CSMD3: variants seen among roughly 807,000 people sequenced by gnomAD.
The protein encoded by CSMD3 is CUB and Sushi multiple domains 3.
CSMD3 carries 177 observed loss-of-function variants against 435.2 expected under a neutral mutation model. The observed-to-expected ratio is 0.41, with a 90% CI of 0.36 to 0.46. The LOEUF is 0.46. Ranked by LOEUF, CSMD3 falls within the 20% of genes least tolerant of loss-of-function variation. CSMD3 has a pLI of 0.34. For synonymous variants in CSMD3, 1,656 were observed against 1,520.5 expected, an observed-to-expected ratio of 1.09 and a Z score of -2.07; for missense variants, 4,265 against 4,504.6, an observed-to-expected ratio of 0.95 and a Z score of 1.52.
intron 10 of CSMD3, among the ~76,000 whole-genome samples, chr8:112,897,657 A>T (rs1363025240): frequency 6.9e-6 from 1 of 144,310 alleles, no homozygotes; most frequent in East Asian, 2.1e-4. Context: ...ACTCCCTAAA[A>T]TACTATTTCT....
chr8:112,847,197 C>A (rs1259481282), intron 11 of CSMD3, among the ~76,000 whole-genome samples: 1 of 152,078 alleles, frequency 6.6e-6, no homozygotes, highest in Non-Finnish European at 1.5e-5. Context: ...TGATCAATAA[C>A]CCCCTTGGAT....
intron 4 of CSMD3, among the ~76,000 whole-genome samples, chr8:113,133,405 C>A (rs1277956271): frequency 6.6e-6 from 1 of 151,982 alleles, no homozygotes; most frequent in African/African-American, 2.4e-5. Context: ...AAAACAATAA[C>A]AAACAACATC....
intron 16 of CSMD3, among the ~76,000 whole-genome samples, chr8:112,674,910 T>C (rs2075739060): frequency 6.6e-6 from 1 of 152,040 alleles, no homozygotes; most frequent in South Asian, 2.1e-4. Flanking sequence ...CAGTTATAGA[T>C]AGATGAATGA....
chr8:113,356,073 C>G (rs1346385971), intron 1 of CSMD3, among the ~76,000 whole-genome samples: 1 of 151,828 alleles, frequency 6.6e-6, no homozygotes, highest in Non-Finnish European at 1.5e-5. Flanking sequence ...GTTACACCCT[C>G]CCATGCATGG....
chr8:112,377,697 G>T (rs1829075882), intron 38 of CSMD3, among the ~76,000 whole-genome samples: 1 of 151,884 alleles, frequency 6.6e-6, no homozygotes, highest in African/African-American at 2.4e-5. Flanking sequence ...CAAATGTATA[G>T]AAATCAATAA....
At chr8:113,378,757 A>C (rs1448587825) in intron 1 of CSMD3, among the ~76,000 whole-genome samples, 3 of 85,580 alleles carry the variant, frequency 3.5e-5, no homozygotes, top group Admixed American at 2.5e-4. Context: ...TGATTGTCAC[A>C]CTGAAGTGTG....
chr8:113,417,931 T>C (rs764253988), intron 1 of CSMD3, among the ~76,000 whole-genome samples: 7 of 152,046 alleles, frequency 4.6e-5, no homozygotes, highest in Non-Finnish European at 8.8e-5. Flanking sequence ...TTTAAGACAT[T>C]AATGATTTAC....
Position 112,621,896 on chromosome 8 carries a change from T to TCCA in CSMD3, c.3715+14920_3715+14921insTGG, listed in dbSNP as rs563190816. Among the ~76,000 whole-genome samples the TCCA allele has an allele frequency of 3.5e-4, 53 of 152,304 alleles. No individual in the cohort carries two copies. In the East Asian group the frequency reaches 9.3e-3, roughly 27 times the overall value. Reference sequence around the variant, plus strand: ...GGACTCTCTTATGATCTCCAGACTGTGTATTCAACTGGAATATGCCTCTGT... The same window carrying TCCA: ...GGACTCTCTTATGATCTCCAGACTGTCCAGTATTCAACTGGAATATGCCTCTGT... On this transcript the variant is annotated intron_variant, in intron 22 of 70. Transcript: ENST00000297405.
intron 6 of CSMD3, among the ~76,000 whole-genome samples, chr8:112,994,336 T>C (rs943383111): frequency 6.6e-6 from 1 of 151,634 alleles, no homozygotes; most frequent in Non-Finnish European, 1.5e-5. Flanking sequence ...TGGGCTGTTG[T>C]GAAGAATAGC....
intron 31 of CSMD3, among the ~76,000 whole-genome samples, chr8:112,478,126 G>A (rs114582395): frequency 0.02 from 2,983 of 152,214 alleles, 95 homozygotes; most frequent in African/African-American, 0.068. Context: ...TGATCGTGAG[G>A]CCTACCCAGC....
intron 17 of CSMD3, among the ~76,000 whole-genome samples, chr8:112,659,710 G>C (rs953248394): frequency 4.6e-5 from 7 of 152,148 alleles, no homozygotes; most frequent in African/African-American, 1.4e-4. Flanking sequence ...TTGCAGATCT[G>C]AGAGTAAGAA....
intron 9 of CSMD3, among the ~76,000 whole-genome samples, chr8:112,925,494 T>A (rs1041297465): frequency 6.6e-6 from 1 of 150,882 alleles, no homozygotes; most frequent in South Asian, 2.1e-4. Flanking sequence ...ACCCGGGAAG[T>A]GGAACTTGCA....
intron 63 of CSMD3, among the ~76,000 whole-genome samples, chr8:112,252,703 AT>A (rs1815390128): frequency 6.8e-6 from 1 of 148,058 alleles, no homozygotes; most frequent in Non-Finnish European, 1.5e-5. Context: ...ATATATATAT[AT>A]ATATACACAT....
intron 27 of CSMD3, among the ~76,000 whole-genome samples, chr8:112,540,908 A>G (rs1826602252): frequency 6.6e-6 from 1 of 152,080 alleles, no homozygotes; most frequent in East Asian, 1.9e-4. Context: ...CAAAATAGCT[A>G]GAAGAGAATA....
chr8:112,732,699 C>CT (rs2077100486), intron 13 of CSMD3, among the ~76,000 whole-genome samples: 1 of 97,192 alleles, frequency 1.0e-5, no homozygotes, highest in Non-Finnish European at 2.3e-5. Flanking sequence ...GACTCCATCT[C>CT]AAAAAAAAAA....
chr8:112,620,390 A>C (rs1487215632), intron 22 of CSMD3, among the ~76,000 whole-genome samples: 1 of 152,126 alleles, frequency 6.6e-6, no homozygotes. Context: ...TTTAGAGTGA[A>C]ATATCTGATG....
chr8:112,416,926 G>A (rs540972923), intron 32 of CSMD3, among the ~76,000 whole-genome samples: 1 of 152,074 alleles, frequency 6.6e-6, no homozygotes, highest in East Asian at 1.9e-4. Flanking sequence ...TTCAGCTTTG[G>A]TTTAAACCTG....
chr8:112,549,687 AG>A (rs774124585), intron 27 of CSMD3, among the ~76,000 whole-genome samples: 1 of 152,038 alleles, frequency 6.6e-6, no homozygotes, highest in Non-Finnish European at 1.5e-5. Flanking sequence ...ATTAGGTACC[AG>A]TTATCTACTC....
At chr8:113,363,025 C>A (rs1312320352) in intron 1 of CSMD3, among the ~76,000 whole-genome samples, 1 of 152,180 alleles carries the variant, frequency 6.6e-6, no homozygotes, top group Non-Finnish European at 1.5e-5. Context: ...CTACCATTTT[C>A]CTCACAGATA....
Sources: allele counts gnomAD v4.1 joint callset (sites outside exome capture counted in the v4.1 genomes callset), GRCh38; gene constraint gnomAD v4.1.1; transcripts MANE v1.5; gene names NCBI Gene and HGNC (gene_info 2026-07-23, HGNC 2026-07-21).